Variants in BNC2 observed in about 807,000 individuals in gnomAD.
The protein encoded by BNC2 is basonuclin zinc finger protein 2, also known as zinc finger protein basonuclin-2.
BNC2 carries 20 observed loss-of-function variants against 76.3 expected under a neutral mutation model. That is an observed-to-expected ratio of 0.26 (90% confidence interval 0.18 to 0.38). The LOEUF is 0.38. Ranked by LOEUF, BNC2 falls within the 10% of genes least tolerant of loss-of-function variation. BNC2 has a pLI of 1.00. For missense variants in BNC2, 1,382 were observed against 1,399.8 expected (o/e 0.99, Z 0.20); for synonymous variants, 582 against 514.8 (o/e 1.13, Z -1.77).
intron 6 of BNC2, chr9:16,429,807 A>C: frequency 2.4e-6 from 1 of 421,920 alleles, no homozygotes; most frequent in Non-Finnish European, 4.8e-6. Context: ...ACAGTTCTGA[A>C]GACGGTGGAA....
intron 1 of BNC2, among the ~76,000 whole-genome samples, chr9:16,854,993 A>G (rs554702493): frequency 2.6e-5 from 4 of 152,006 alleles, no homozygotes; most frequent in African/African-American, 9.6e-5. Flanking sequence ...CCAACCCCAT[A>G]AAGAGATGAA....
chr9:16,434,069 A>G (rs1820955660), intron 6 of BNC2, among the ~76,000 whole-genome samples: 1 of 152,200 alleles, frequency 6.6e-6, no homozygotes. Flanking sequence ...CGTTGTGACT[A>G]TAAACCATGT....
chr9:16,768,771 A>G (rs1055107435), intron 1 of BNC2, among the ~76,000 whole-genome samples: 1 of 152,206 alleles, frequency 6.6e-6, no homozygotes, highest in African/African-American at 2.4e-5. Flanking sequence ...CAAAATTAGG[A>G]TAAGTGCTTA....
In BNC2 at chr9:16,856,277, T is replaced by A. The variant is rs201012143; in HGVS notation, c.3+14369A>T. ...TCTTCACACACACTCTCTCTCTCTCTCACACACACACACACACACACACAC... is the reference window on the plus strand; with the variant it reads ...TCTTCACACACACTCTCTCTCTCTCACACACACACACACACACACACACAC... On this transcript the variant is annotated intron_variant, in intron 1 of 6. Transcript: ENST00000380672. Among the ~76,000 whole-genome samples, 221 of 148,206 alleles carry A rather than the reference T, an allele frequency of 1.5e-3. 1 individual carries two copies. Among genetic ancestry groups the A allele is most frequent in the South Asian group, 7.7e-3 (36 of 4,678 alleles).
intron 3 of BNC2, among the ~76,000 whole-genome samples, chr9:16,686,941 C>T (rs7862119): frequency 0.97 from 147,548 of 152,288 alleles, 71,492 homozygotes; most frequent in East Asian, 1. Context: ...TTGAAGTTTA[C>T]AACCACTCTT....
chr9:16,528,552 T>C (rs1185698503), intron 5 of BNC2, among the ~76,000 whole-genome samples: 2 of 152,210 alleles, frequency 1.3e-5, no homozygotes, highest in African/African-American at 4.8e-5. Context: ...AGCATAAATA[T>C]TCCTATCAAA....
chr9:16,635,555 A>G (rs1185572810), intron 3 of BNC2, among the ~76,000 whole-genome samples: 1 of 152,236 alleles, frequency 6.6e-6, no homozygotes, highest in East Asian at 1.9e-4. Flanking sequence ...TTTACTGGAA[A>G]GTAACAAAAA....
At chr9:16,445,873 C>A (rs1381180140) in intron 5 of BNC2, among the ~76,000 whole-genome samples, 1 of 152,192 alleles carries the variant, frequency 6.6e-6, no homozygotes, top group East Asian at 1.9e-4. Context: ...ACATTCAGTT[C>A]ATCCAGATAA....
chr9:16,515,240 G>A (rs1001405033), intron 5 of BNC2, among the ~76,000 whole-genome samples: 2 of 152,212 alleles, frequency 1.3e-5, no homozygotes, highest in East Asian at 1.9e-4. Context: ...GGCTGTCAGT[G>A]TCTGAAATGG....
intron 1 of BNC2, among the ~76,000 whole-genome samples, chr9:16,831,094 A>G (rs541129842): frequency 2.0e-5 from 3 of 152,348 alleles, no homozygotes; most frequent in Admixed American, 6.5e-5. Flanking sequence ...AATCAGTGTC[A>G]AGGTCCAATA....
chr9:16,746,656 C>T (rs767093352), intron 1 of BNC2, among the ~76,000 whole-genome samples: 6 of 151,144 alleles, frequency 4.0e-5, no homozygotes, highest in African/African-American at 1.5e-4. Context: ...TGAACAACCG[C>T]GCCTGGCCTA....
intron 3 of BNC2, among the ~76,000 whole-genome samples, chr9:16,591,623 C>G (rs1457645756): frequency 6.6e-6 from 1 of 152,036 alleles, no homozygotes; most frequent in Non-Finnish European, 1.5e-5. Flanking sequence ...GATTATAAAA[C>G]TGATTATAAA....
intron 4 of BNC2, among the ~76,000 whole-genome samples, chr9:16,558,329 G>A (rs1818901996): frequency 6.6e-6 from 1 of 152,146 alleles, no homozygotes; most frequent in Non-Finnish European, 1.5e-5. Context: ...CTCTAAATTT[G>A]TACCTAATGA....
chr9:16,555,501 G>A (rs1023816151), intron 4 of BNC2, among the ~76,000 whole-genome samples: 1 of 151,958 alleles, frequency 6.6e-6, no homozygotes, highest in Non-Finnish European at 1.5e-5. Context: ...CCATATGTTA[G>A]TAAGTATGAA....
chr9:16,534,952 T>A (rs1818084593), intron 5 of BNC2, among the ~76,000 whole-genome samples: 1 of 152,192 alleles, frequency 6.6e-6, no homozygotes, highest in Admixed American at 6.5e-5. Context: ...AATATTCATA[T>A]TCTTAAAATT....
chr9:16,599,539 T>C (rs773479478), intron 3 of BNC2, among the ~76,000 whole-genome samples: 8 of 152,148 alleles, frequency 5.3e-5, no homozygotes, highest in Non-Finnish European at 1.2e-4. Flanking sequence ...ATCCCAGCAC[T>C]TTGGGAGGCC....
rs188036692 is a variant in BNC2 at position 16,858,975 on chromosome 9, A to C, written c.3+11671T>G. Among the ~76,000 whole-genome samples the C allele has an allele frequency of 3.3e-4, 51 of 152,350 alleles. No individual in the cohort carries two copies. The Middle Eastern group carries it at 0.014, about 41-fold the overall frequency. On this transcript the variant is annotated intron_variant, in intron 1 of 6. Coordinates refer to ENST00000380672, the MANE Select transcript of BNC2 (RefSeq NM_017637.6). ...AAATCATATTTCTGATAAGGGGTAT[A>C]GACATATAGACAACTCTTAAAACTC... is the stretch of plus-strand genomic sequence containing the variant.
intron 6 of BNC2, 101 bp from the exon 7 acceptor site, chr9:16,419,750 A>T: frequency 1.3e-6 from 1 of 781,598 alleles, no homozygotes; most frequent in African/African-American, 1.7e-5. Context: ...ACTAGGTATC[A>T]AATAAGCACA....
rs369299185 is a variant in BNC2 at position 16,598,081 on chromosome 9, TG to T, written c.331-14997del. ...ATAATAGTAGCATAATTGATAGAAATGAAATAAAATCTTTGTTACTATTCAC... is the reference window on the plus strand; with the variant it reads ...ATAATAGTAGCATAATTGATAGAAATAAATAAAATCTTTGTTACTATTCAC... On this transcript the variant is annotated intron_variant, in intron 3 of 6. Transcript: ENST00000380672. Among the ~76,000 whole-genome samples the T allele has an allele frequency of 7.3e-4, 111 of 152,264 alleles. 2 individuals carry two copies. The South Asian group carries it at 0.023, about 31-fold the overall frequency.
Sources: allele counts gnomAD v4.1 joint callset (sites outside exome capture counted in the v4.1 genomes callset), GRCh38; gene constraint gnomAD v4.1.1; transcripts MANE v1.5; gene names NCBI Gene and HGNC (gene_info 2026-07-23, HGNC 2026-07-21).